Variants in KLHDC4 observed in about 807,000 individuals in gnomAD.
KLHDC4 encodes kelch domain containing 4.
A neutral mutation model predicts 62.4 loss-of-function variants in KLHDC4; 90 were observed. That is an observed-to-expected ratio of 1.44 (90% CI 1.22 to 1.72). The LOEUF is 1.72. Ranked by LOEUF, KLHDC4 falls within the 40% of genes most tolerant of loss-of-function variation. The pLI is 0.00. For synonymous variants in KLHDC4, 386 were observed against 284.4 expected (o/e 1.36, Z -3.59); for missense variants, 1,025 against 699.7 (o/e 1.47, Z -5.25).
chr16:87,727,416 T>C (rs1466176347), intron 6 of KLHDC4, among the ~76,000 whole-genome samples: 3 of 151,774 alleles, frequency 2.0e-5, no homozygotes. Context: ...AGAACGGAGG[T>C]GTGAGCAGCC....
At chr16:87,762,490 G>A (rs899777849) in intron 1 of KLHDC4, among the ~76,000 whole-genome samples, 1 of 152,086 alleles carries the variant, frequency 6.6e-6, no homozygotes, top group East Asian at 1.9e-4. Context: ...CCCAGGCCTG[G>A]GCCGTCACGC....
At chr16:87,756,335 G>C (rs1434555449) in intron 3 of KLHDC4, 64 bp downstream of exon 3, 9 of 1,256,082 alleles carry the variant, frequency 7.2e-6, no homozygotes, top group African/African-American at 1.5e-5. Context: ...ACTGCCTTAA[G>C]TTAACTTTCT....
At chr16:87,741,311 G>A (rs2042206951) in intron 5 of KLHDC4, among the ~76,000 whole-genome samples, 1 of 152,240 alleles carries the variant, frequency 6.6e-6, no homozygotes. Flanking sequence ...CTGCCTGCCA[G>A]TTGGAGGTCC....
chr16:87,699,670 G>C (rs1215685360), exon 1 of KLHDC4: 2 of 152,468 alleles, frequency 1.3e-5, no homozygotes, highest in African/African-American at 4.8e-5. Flanking sequence ...CTGCACTCCA[G>C]CCTGGACGAC....
intron 7 of KLHDC4, among the ~76,000 whole-genome samples, chr16:87,716,968 T>C (rs1009109002): frequency 8.6e-5 from 13 of 150,738 alleles, no homozygotes; most frequent in African/African-American, 3.2e-4. Context: ...GATACCAAGA[T>C]TTGCTGTAAT....
intron 5 of KLHDC4, chr16:87,740,672 AGACT>A (rs111786543): frequency 2.6e-5 from 4 of 152,330 alleles, no homozygotes; most frequent in South Asian, 2.1e-4. Flanking sequence ...AACCGCAGAC[AGACT>A]TTCAGTCACC....
chr16:87,718,058 T>C (rs1244600739), intron 7 of KLHDC4, among the ~76,000 whole-genome samples: 1 of 152,156 alleles, frequency 6.6e-6, no homozygotes, highest in Admixed American at 6.5e-5. Context: ...ACAGGGCCCA[T>C]GGTTCGACCT....
chr16:87,746,413 G>A (rs1038914095), intron 5 of KLHDC4, among the ~76,000 whole-genome samples: 8 of 151,972 alleles, frequency 5.3e-5, no homozygotes, highest in African/African-American at 1.7e-4. Context: ...GAGAGTGAGA[G>A]AAAGATTAAG....
chr16:87,735,748 T>C (rs1217309728), intron 5 of KLHDC4, among the ~76,000 whole-genome samples: 1 of 152,170 alleles, frequency 6.6e-6, no homozygotes, highest in African/African-American at 2.4e-5. Context: ...CCACATGTCC[T>C]CCTCAGCCAG....
At chr16:87,754,275 G>A (rs1021306697) in intron 4 of KLHDC4, among the ~76,000 whole-genome samples, 2 of 152,016 alleles carry the variant, frequency 1.3e-5, no homozygotes, top group East Asian at 3.9e-4. Context: ...CAACCTGGGG[G>A]GCAGAGGTTG....
rs1333604687 is a variant in KLHDC4 at position 87,721,292 on chromosome 16, C to T, written c.759+5473G>A. ...AAAATTAGCCGGGTGTGGTGGCAGG[C>T]GCCTGTAGTCCCACCTACTCCGGAG... On this transcript the variant is annotated intron_variant, in intron 7 of 11. Coordinates refer to ENST00000270583, the MANE Select transcript of KLHDC4 (RefSeq NM_017566.4). 4.0e-5 allele frequency among the ~76,000 whole-genome samples: 6 copies of T among 151,798 alleles called. No individual in the cohort carries two copies. The East Asian group carries it at 5.8e-4, about 15-fold the overall frequency.
rs1178001336 is a variant in KLHDC4, at chr16:87,709,364, T to C, written c.1348A>G (p.Met450Val). Reference protein sequence around the residue: ...KHGVLYVYGGMFEAGDRQVTL... With the variant: ...KHGVLYVYGGVFEAGDRQVTL... ...ACCTGGCGGTCGCCGGCCTCAAACATGCCCCCATAGACGTAGAGCACCCCA... is the reference window on the plus strand; with the variant it reads ...ACCTGGCGGTCGCCGGCCTCAAACACGCCCCCATAGACGTAGAGCACCCCA... The change falls in exon 10 of 12, where the codon ATG becomes GTG. Residue 450 changes from methionine (M) to valine (V), a missense_variant. Coordinates refer to ENST00000270583, the MANE Select transcript of KLHDC4 (RefSeq NM_017566.4). The C allele has an allele frequency of 1.9e-6, 3 of 1,613,316 alleles. No individual in the cohort carries two copies. The highest frequency in any genetic ancestry group is 2.7e-5 in the African/African-American group (2 of 74,904).
Position 87,730,641 on chromosome 16 carries a change from T to G in KLHDC4, c.510A>C (p.Ser170=), listed in dbSNP as rs371686833. 29 of 1,611,970 alleles carry G rather than the reference T, an allele frequency of 1.8e-5. No individual in the cohort carries two copies. Among genetic ancestry groups the G allele is most frequent in the Non-Finnish European group, 2.4e-5 (28 of 1,179,398 alleles). Reference sequence around the variant, plus strand: ...CACTCCGACCCGAAGGACCGCCTGTTGATCTAAAATGAAATAAACAAAAAG... The same window carrying G: ...CACTCCGACCCGAAGGACCGCCTGTGGATCTAAAATGAAATAAACAAAAAG... The part of the protein sequence containing the change: ...LATKTWEQVK[S]TGGPSGRSGH... Residue 170 remains serine, a synonymous_variant, in exon 6 of 12, where the codon TCA becomes TCC. Transcript: ENST00000270583.
At chr16:87,703,173 CGAGCAGGAAACGTGCTGT>C (rs1257097007), downstream of KLHDC4, 1 of 152,172 alleles carries the variant, frequency 6.6e-6, no homozygotes, top group Non-Finnish European at 1.5e-5. Context: ...TCCTGGTTTT[CGAGCAGGAAACGTGCTGT>C]GAGCAGGAAT....
At chr16:87,764,416 G>A (rs1021182223) in intron 1 of KLHDC4, among the ~76,000 whole-genome samples, 6 of 151,976 alleles carry the variant, frequency 3.9e-5, no homozygotes, top group Non-Finnish European at 7.4e-5. Context: ...TTGGGAGGCC[G>A]AGGCGAGCGC....
intron 4 of KLHDC4, among the ~76,000 whole-genome samples, chr16:87,749,634 A>C (rs2043604318): frequency 6.6e-6 from 1 of 151,396 alleles, no homozygotes; most frequent in Admixed American, 6.6e-5. Context: ...CCCAGACTGG[A>C]GTGCGGTGGC....
intron 7 of KLHDC4, among the ~76,000 whole-genome samples, chr16:87,722,370 G>A (rs985620693): frequency 6.6e-6 from 1 of 152,328 alleles, no homozygotes; most frequent in East Asian, 1.9e-4. Flanking sequence ...AGGAAGGAGG[G>A]CAGGTGTCTG....
Position 87,765,807 on chromosome 16 carries a change from G to A in KLHDC4, c.84C>T (p.Arg28=), listed in dbSNP as rs748572734. 9.6e-6 allele frequency: 15 copies of A among 1,570,182 alleles called. No individual in the cohort carries two copies. The highest frequency in any genetic ancestry group is 5.7e-5 in the Admixed American group (3 of 52,864). ...ACCCGCTCACCTCCTCCTTCCGCGA[G>A]CGCTTAGACACCTTCTTCTCCATCT... ...AAKMEKKVSK[R]SRKEEEDLEA... The change falls in exon 1 of 12, where the codon CGC becomes CGT. Residue 28 remains arginine, a synonymous_variant. Coordinates refer to ENST00000270583, the MANE Select transcript of KLHDC4 (RefSeq NM_017566.4).
intron 6 of KLHDC4, 26 bp downstream of exon 6, chr16:87,730,526 A>G (rs2040160396): frequency 1.1e-5 from 18 of 1,580,184 alleles, no homozygotes; most frequent in Non-Finnish European, 1.6e-5. Flanking sequence ...TCAGGAGAGA[A>G]AGATTTTTCC....
Sources: allele counts gnomAD v4.1 joint callset (sites outside exome capture counted in the v4.1 genomes callset), GRCh38; gene constraint gnomAD v4.1.1; transcripts MANE v1.5; gene names NCBI Gene and HGNC (gene_info 2026-07-23, HGNC 2026-07-21).